RASA1: variants seen among roughly 807,000 people sequenced by gnomAD.
The protein encoded by RASA1 is RAS p21 protein activator 1, also known as ras GTPase-activating protein 1.
A neutral mutation model predicts 132.2 loss-of-function variants in RASA1; 25 were observed. The ratio of observed to expected loss-of-function variants is 0.19; its 90% CI spans 0.14 to 0.26. The LOEUF is 0.26. RASA1 is among the 10% of genes least tolerant of loss of function. RASA1 has a pLI of 1.00. For missense variants in RASA1, 964 were observed against 1,299.2 expected, an observed-to-expected ratio of 0.74 and a Z score of 3.97; for synonymous variants, 477 against 449.9, an observed-to-expected ratio of 1.06 and a Z score of -0.76.
intron 1 of RASA1, among the ~76,000 whole-genome samples, chr5:87,287,710 ACGC>A (rs1754702523): frequency 2.9e-5 from 2 of 69,582 alleles, no homozygotes; most frequent in African/African-American, 5.3e-5. Flanking sequence ...ATATATGTAC[ACGC>A]CATAGATATA....
At chr5:87,279,221 T>A (rs930302908) in intron 1 of RASA1, among the ~76,000 whole-genome samples, 8 of 152,168 alleles carry the variant, frequency 5.3e-5, no homozygotes, top group Non-Finnish European at 1.0e-4. Context: ...CCAGCCTGGG[T>A]GACAGAATGA....
intron 1 of RASA1, among the ~76,000 whole-genome samples, chr5:87,283,210 C>T (rs1167802872): frequency 1.3e-5 from 2 of 148,416 alleles, no homozygotes; most frequent in African/African-American, 5.0e-5. Context: ...GTTTTACAAC[C>T]TTTTTCTTAG....
intron 1 of RASA1, among the ~76,000 whole-genome samples, chr5:87,315,271 CA>C (rs1756239376): frequency 6.6e-6 from 1 of 152,152 alleles, no homozygotes; most frequent in African/African-American, 2.4e-5. Flanking sequence ...CAAGACTGGG[CA>C]GGGGGGTTGG....
intron 1 of RASA1, among the ~76,000 whole-genome samples, chr5:87,312,973 C>T (rs1756031605): frequency 6.6e-6 from 1 of 152,192 alleles, no homozygotes; most frequent in South Asian, 2.1e-4. Context: ...GAAAATGATA[C>T]TTTCCCTGTT....
chr5:87,270,336 GTT>G (rs746245930), intron 1 of RASA1, among the ~76,000 whole-genome samples: 3 of 141,564 alleles, frequency 2.1e-5, no homozygotes, highest in Non-Finnish European at 1.6e-5. Flanking sequence ...CAATTCAGAG[GTT>G]TTTTTTTTTT....
Position 87,333,998 on chromosome 5 carries a change from A to T in RASA1, c.899+661A>T, listed in dbSNP as rs951853947. On this transcript the variant is annotated intron_variant, in intron 4 of 24. Transcript: ENST00000274376. ...GTAATTTTAAAAAATTTTTAGTGGG[A>T]TCATTTAGGACAGCAGTTCTGTAAG... Among the ~76,000 whole-genome samples the T allele has an allele frequency of 1.2e-4, 18 of 152,140 alleles. 1 individual carries two copies. The highest frequency in any genetic ancestry group is 9.8e-4 in the Admixed American group (15 of 15,268).
chr5:87,349,463 C>T (rs1170143866), intron 8 of RASA1, 99 bp downstream of exon 8: 4 of 1,381,212 alleles, frequency 2.9e-6, no homozygotes, highest in Middle Eastern at 4.4e-4. Context: ...AAGTTTCTAA[C>T]TTCTAAAAAT....
intron 23 of RASA1, 152 bp from the exon 24 acceptor site, chr5:87,389,241 G>C (rs1217321607): frequency 2.3e-6 from 2 of 870,376 alleles, no homozygotes; most frequent in Admixed American, 2.2e-5. Flanking sequence ...TGAGGCAGGA[G>C]AATCGCTTGA....
intron 6 of RASA1, among the ~76,000 whole-genome samples, chr5:87,345,820 A>G (rs903864994): frequency 2.0e-5 from 3 of 152,096 alleles, no homozygotes; most frequent in Admixed American, 6.6e-5. Flanking sequence ...ATACTTGTAG[A>G]CCCTAAGAAG....
intron 1 of RASA1, among the ~76,000 whole-genome samples, chr5:87,315,730 A>G (rs1046376965): frequency 6.6e-6 from 1 of 152,178 alleles, no homozygotes; most frequent in African/African-American, 2.4e-5. Context: ...AATAAGTAGC[A>G]CCTTGCGAAT....
chr5:87,333,433 A>C, intron 4 of RASA1, 96 bp downstream of exon 4: 4 of 1,546,458 alleles, frequency 2.6e-6, no homozygotes, highest in Non-Finnish European at 3.5e-6. Context: ...AATTTGAAGA[A>C]ATGGCATACA....
intron 9 of RASA1, among the ~76,000 whole-genome samples, chr5:87,360,026 T>G (rs1301667630): frequency 3.9e-5 from 6 of 152,202 alleles, no homozygotes; most frequent in African/African-American, 1.4e-4. Context: ...TTACTTTGGT[T>G]CTTCTTGCAT....
intron 1 of RASA1, among the ~76,000 whole-genome samples, chr5:87,298,270 A>C (rs1421185652): frequency 1.3e-5 from 2 of 151,776 alleles, no homozygotes; most frequent in Non-Finnish European, 2.9e-5. Context: ...TTAGCCGGGC[A>C]TGGTGGCGGG....
Position 87,378,482 on chromosome 5 carries a change from C to T in RASA1, c.2431C>T (p.His811Tyr). The T allele has an allele frequency of 6.2e-7, 1 of 1,612,388 alleles. No homozygotes were observed. Among genetic ancestry groups the T allele is most frequent in the Non-Finnish European group, 8.5e-7 (1 of 1,178,516 alleles). The change falls in exon 18 of 25, where the codon CAT (histidine) becomes TAT (tyrosine). Residue 811 changes from histidine (H) to tyrosine (Y), a missense_variant. This residue lies in a region of RASA1 where 346 missense variants were observed against 520.1 expected (regional missense o/e 0.67). Coordinates refer to ENST00000274376, the MANE Select transcript of RASA1 (RefSeq NM_002890.3). ...GAAAGCCACTGCTACACAGTTTGTT[C>T]ATCATGCTTTGAAAGACTCTATTTT... ...YMKATATQFV[H>Y]HALKDSILKI...
At chr5:87,356,383 ATT>A (rs11409141) in intron 9 of RASA1, among the ~76,000 whole-genome samples, 3 of 141,744 alleles carry the variant, frequency 2.1e-5, no homozygotes, top group African/African-American at 2.6e-5. Flanking sequence ...GATGATTGTT[ATT>A]TTTTTTTTTT....
At chr5:87,352,178 T>A (rs1437574284) in intron 8 of RASA1, among the ~76,000 whole-genome samples, 1 of 151,760 alleles carries the variant, frequency 6.6e-6, no homozygotes, top group Non-Finnish European at 1.5e-5. Flanking sequence ...AAATGCTGCT[T>A]CTGGTATTAA....
intron 1 of RASA1, among the ~76,000 whole-genome samples, chr5:87,269,484 T>G (rs1753727636): frequency 6.6e-6 from 1 of 152,224 alleles, no homozygotes; most frequent in Non-Finnish European, 1.5e-5. Flanking sequence ...AGCTTCTGAT[T>G]AGAGAAAGCA....
chr5:87,388,422 C>A (rs1194277195), intron 23 of RASA1, among the ~76,000 whole-genome samples: 1 of 152,130 alleles, frequency 6.6e-6, no homozygotes, highest in African/African-American at 2.4e-5. Context: ...AATCTGAAAT[C>A]TGAAATGCTA....
At chr5:87,287,037 T>G (rs1054915501) in intron 1 of RASA1, among the ~76,000 whole-genome samples, 1 of 146,346 alleles carries the variant, frequency 6.8e-6, no homozygotes, top group Non-Finnish European at 1.5e-5. Context: ...ACCATATATA[T>G]ACACACCATA....
Sources: allele counts gnomAD v4.1 joint callset (sites outside exome capture counted in the v4.1 genomes callset), GRCh38; gene constraint gnomAD v4.1.1; regional missense constraint gnomAD v4.1.1; transcripts MANE v1.5; gene names NCBI Gene and HGNC (gene_info 2026-07-23, HGNC 2026-07-21).